The following C12orf42 variants were observed in gnomAD, a reference collection of about 807,000 sequenced individuals.
The protein encoded by C12orf42 is chromosome 12 open reading frame 42, also known as uncharacterized protein C12orf42.
In C12orf42, 25 loss-of-function variants were observed where a neutral mutation model predicts 21.6. The observed-to-expected ratio is 1.16, with a 90% CI of 0.84 to 1.62. The LOEUF is 1.62. Among genes scored for constraint, C12orf42 ranks in the 40% most tolerant of loss-of-function variants. The probability of loss-of-function intolerance (pLI) is 0.00; values close to 1 mark genes in which losing one functional copy is unlikely to be tolerated. For synonymous variants in C12orf42, 174 were observed against 175.0 expected (o/e 0.99, Z 0.05); for missense variants, 483 against 459.3 (o/e 1.05, Z -0.47).
chr12:103,490,182 C>T (rs1486715237), intron 1 of C12orf42, among the ~76,000 whole-genome samples: 1 of 152,184 alleles, frequency 6.6e-6, no homozygotes, highest in Non-Finnish European at 1.5e-5. Context: ...TTTCTAACAG[C>T]CTATCTTCTG....
the C12orf42 span, chr12:103,168,389 A>G: frequency 4.5e-6 from 1 of 224,566 alleles, no homozygotes; most frequent in African/African-American, 2.3e-5. Context: ...AACTCTTTCA[A>G]TCAAGAGAGA....
At chr12:103,202,217 G>A in the C12orf42 span, among the ~76,000 whole-genome samples, 1 of 152,194 alleles carries the variant, frequency 6.6e-6, no homozygotes, top group Non-Finnish European at 1.5e-5. Flanking sequence ...ACGAGTAAAG[G>A]TGGATCTGTG....
intron 5 of C12orf42, among the ~76,000 whole-genome samples, chr12:103,272,373 A>G (rs1212571063): frequency 1.3e-5 from 2 of 152,138 alleles, no homozygotes; most frequent in Admixed American, 6.5e-5. Flanking sequence ...ACTGTGCAAA[A>G]TTATTTACTC....
chr12:103,364,352 A>G (rs1423916713), intron 4 of C12orf42, among the ~76,000 whole-genome samples: 2 of 152,144 alleles, frequency 1.3e-5, no homozygotes, highest in Non-Finnish European at 2.9e-5. Context: ...TGATGCAAGG[A>G]GGAAAGTTTA....
At chr12:103,363,809 A>G (rs776470491) in intron 4 of C12orf42, among the ~76,000 whole-genome samples, 5 of 152,158 alleles carry the variant, frequency 3.3e-5, no homozygotes, top group Admixed American at 6.5e-5. Flanking sequence ...TCCTAAATAT[A>G]TATGCACCTG....
At chr12:103,175,380 T>A in the C12orf42 span, among the ~76,000 whole-genome samples, 2 of 152,156 alleles carry the variant, frequency 1.3e-5, no homozygotes, top group African/African-American at 4.8e-5. Context: ...TATTCAACAT[T>A]GTATCTAATA....
intron 4 of C12orf42, among the ~76,000 whole-genome samples, chr12:103,355,427 T>C (rs1029623417): frequency 2.6e-5 from 4 of 152,164 alleles, no homozygotes; most frequent in African/African-American, 4.8e-5. Context: ...TCAGATGTCA[T>C]ACATTTTGGC....
At chr12:103,142,880 C>T in the C12orf42 span, among the ~76,000 whole-genome samples, 1 of 151,874 alleles carries the variant, frequency 6.6e-6, no homozygotes, top group Non-Finnish European at 1.5e-5. Flanking sequence ...CTAGAGTGTC[C>T]AAGACAAGTT....
chr12:103,103,758 C>A, the C12orf42 span, among the ~76,000 whole-genome samples: 1,820 of 151,302 alleles, frequency 0.012, 39 homozygotes, highest in African/African-American at 0.042. Flanking sequence ...AAATATTCAA[C>A]ATAATTTAAA....
Position 103,306,274 on chromosome 12 carries a change from T to G in C12orf42, c.331A>C (p.Arg111=). Residue 111 remains arginine, a synonymous_variant, in exon 5 of 6, where the codon AGG becomes CGG. Coordinates refer to ENST00000548883, the MANE Select transcript of C12orf42 (RefSeq NM_198521.5). ...LLHTCQYIVP[R]CSVSTVSFDE... is the part of the protein sequence containing the mutation. ...AAAGAAACTGTGCTTACAGAACACC[T>G]GGGGACTATGTACTGGCAAGTATGA... The G allele has an allele frequency of 6.2e-7, 1 of 1,613,780 alleles. No homozygotes were observed. The highest frequency in any genetic ancestry group is 8.5e-7 in the Non-Finnish European group (1 of 1,179,806).
the C12orf42 span, among the ~76,000 whole-genome samples, chr12:103,155,673 T>TAC: frequency 6.6e-6 from 1 of 151,732 alleles, no homozygotes; most frequent in African/African-American, 2.4e-5. Context: ...TACATATATA[T>TAC]ACATACATAT....
chr12:103,305,044 T>C (rs917772919), intron 5 of C12orf42, among the ~76,000 whole-genome samples: 1 of 152,068 alleles, frequency 6.6e-6, no homozygotes, highest in Non-Finnish European at 1.5e-5. Flanking sequence ...AAGAAAAAAA[T>C]TGTCTTGTTT....
At chr12:103,225,078 A>G in the C12orf42 span, among the ~76,000 whole-genome samples, 1 of 151,630 alleles carries the variant, frequency 6.6e-6, no homozygotes, top group Admixed American at 6.6e-5. Flanking sequence ...TGCTGAGCCT[A>G]ATGGGTGTCA....
chr12:103,417,420 C>T (rs751654864), intron 2 of C12orf42, among the ~76,000 whole-genome samples: 2 of 152,170 alleles, frequency 1.3e-5, no homozygotes, highest in Non-Finnish European at 2.9e-5. Context: ...CTTCATACTC[C>T]TCCATTTGGC....
At chr12:103,220,860 AG>A in the C12orf42 span, among the ~76,000 whole-genome samples, 15 of 152,228 alleles carry the variant, frequency 9.9e-5, no homozygotes, top group Non-Finnish European at 1.9e-4. Flanking sequence ...CAATTGCTCA[AG>A]GAAGATTCCC....
At chr12:103,189,966 CAT>C in the C12orf42 span, among the ~76,000 whole-genome samples, 1 of 136,456 alleles carries the variant, frequency 7.3e-6, no homozygotes, top group South Asian at 2.7e-4. Flanking sequence ...ATTGGATATA[CAT>C]GTGTATATAT....
At chr12:103,341,995 C>T (rs1381055142) in intron 4 of C12orf42, among the ~76,000 whole-genome samples, 2 of 152,132 alleles carry the variant, frequency 1.3e-5, no homozygotes, top group East Asian at 3.9e-4. Flanking sequence ...GTCTGTTTCT[C>T]TGGAGAACCC....
the C12orf42 span, among the ~76,000 whole-genome samples, chr12:103,072,613 G>A: frequency 2.0e-4 from 31 of 151,896 alleles, no homozygotes; most frequent in Admixed American, 2.0e-3. Flanking sequence ...CCCCACCCCC[G>A]GTACATACCC....
intron 3 of C12orf42, among the ~76,000 whole-genome samples, chr12:103,369,672 C>G (rs1182994723): frequency 1.3e-5 from 2 of 151,902 alleles, no homozygotes; most frequent in African/African-American, 4.8e-5. Flanking sequence ...GGAGAAAGAG[C>G]TACAAAGATA....
Sources: gnomAD v4.1 joint callset for allele counts (sites outside exome capture counted in the v4.1 genomes callset) on GRCh38, gnomAD v4.1.1 for gene constraint, MANE v1.5 for transcripts, NCBI Gene and HGNC (gene_info 2026-07-23, HGNC 2026-07-21) for gene names.